The following GMEB1 variants were observed in gnomAD, a reference collection of about 807,000 sequenced individuals.
The protein encoded by GMEB1 is glucocorticoid modulatory element-binding protein 1.
A neutral mutation model predicts 52.4 loss-of-function variants in GMEB1; 6 were observed. The ratio of observed to expected loss-of-function variants is 0.11; its 90% CI spans 0.06 to 0.23. The LOEUF (loss-of-function observed/expected upper bound fraction) is 0.23. Among genes scored for constraint, GMEB1 ranks in the 10% least tolerant of loss-of-function variants. The probability of loss-of-function intolerance (pLI) is 1.00; values close to 1 mark genes in which losing one functional copy is unlikely to be tolerated. For missense variants in GMEB1, 486 were observed against 685.6 expected (o/e 0.71, Z 3.25); for synonymous variants, 255 against 244.9 (o/e 1.04, Z -0.38).
At position 28,682,553 on chromosome 1, in the gene GMEB1, C is replaced by T. The variant is rs141762829; in HGVS notation, c.-30-1030C>T. ...AGGAGAATCGCTTGAGCTTGGGAGGCAGATGTTGCAGTGAGCCAAGATCAT... is the reference window on the plus strand; with the variant it reads ...AGGAGAATCGCTTGAGCTTGGGAGGTAGATGTTGCAGTGAGCCAAGATCAT... On this transcript the variant is annotated intron_variant, in intron 1 of 9. Coordinates refer to ENST00000373816, the MANE Select transcript of GMEB1 (RefSeq NM_001319674.2). 1.3e-4 allele frequency among the ~76,000 whole-genome samples: 19 copies of T among 143,670 alleles called. No individual in the cohort carries two copies. In the East Asian group the frequency reaches 3.4e-3, roughly 26 times the overall value. 94.3% of individuals were successfully genotyped at this position (143,670 alleles called of 152,430 possible).
chr1:28,719,288 C>A lies in GMEB1; in HGVS notation c.*4515C>A, dbSNP rs1014625579. The A allele has an allele frequency of 3.9e-5, 6 of 152,372 alleles. No individual in the cohort carries two copies. The East Asian group carries it at 1.2e-3, about 29-fold the overall frequency. 9.4% of individuals were successfully genotyped at this position (152,372 alleles called of 1,614,324 possible). On this transcript the variant is annotated 3_prime_UTR_variant, in exon 10 of 10. Transcript: ENST00000373816. ...TTTCTCAATTTCCAAGCTCCACCCA[C>A]TCCTAAAAACACCAGTCATTCTGAA...
In GMEB1 at chr1:28,704,176, A is replaced by G. The variant is rs201517590; in HGVS notation, c.731-16A>G. ...GTGTCTCTTTTTTACCCTCTGTCTT[A>G]TCCTTCTTGTGCCAGAGGACACTTT... On this transcript the variant is annotated splice_polypyrimidine_tract_variant and intron_variant, in intron 7 of 9. Transcript: ENST00000373816. 6.2e-7 allele frequency: 1 copy of G among 1,606,906 alleles called. No individual in the cohort carries two copies. Among genetic ancestry groups the G allele is most frequent in the East Asian group, 2.2e-5 (1 of 44,458 alleles).
chr1:28,714,046 C>T, intron 9 of GMEB1, 27 bp from the exon 10 acceptor site: 1 of 1,555,178 alleles, frequency 6.4e-7, no homozygotes, highest in Non-Finnish European at 8.8e-7. Context: ...CTTCCCTCTA[C>T]ACAAAGTCTT....
At chr1:28,706,708 A>G (rs1465569009) in intron 8 of GMEB1, among the ~76,000 whole-genome samples, 1 of 151,646 alleles carries the variant, frequency 6.6e-6, no homozygotes, top group Admixed American at 6.6e-5. Flanking sequence ...TCTGTTGCCC[A>G]GGCTGGAGTG....
chr1:28,714,973 T>G lies in GMEB1; in HGVS notation c.*200T>G, dbSNP rs879032511. On this transcript the variant is annotated 3_prime_UTR_variant, in exon 10 of 10. Coordinates refer to ENST00000373816, the MANE Select transcript of GMEB1 (RefSeq NM_001319674.2). The stretch of plus-strand genomic sequence containing the variant: ...ACAAAACAAGCTGCCCTTCCAGAAG[T>G]TGAGAGTAGGTCATTCAATGTCCTA... 38 of 567,122 alleles carry G rather than the reference T, an allele frequency of 6.7e-5. 2 individuals carry two copies. The South Asian group carries it at 8.2e-4, about 12-fold the overall frequency. The allele number at this position is 567,122 out of a possible 1,614,324, so 35.1% of individuals were successfully genotyped here.
intron 8 of GMEB1, among the ~76,000 whole-genome samples, chr1:28,709,711 G>A (rs1670956504): frequency 6.6e-6 from 1 of 152,008 alleles, no homozygotes; most frequent in African/African-American, 2.4e-5. Context: ...CCATGTAGCT[G>A]GGATTACAGG....
chr1:28,693,627 G>T (rs1445031622), intron 5 of GMEB1, among the ~76,000 whole-genome samples: 1 of 151,248 alleles, frequency 6.6e-6, no homozygotes, highest in Non-Finnish European at 1.5e-5. Context: ...AGCAATTGTA[G>T]TTTTTAGTAG....
chr1:28,715,174 C>T lies in GMEB1; in HGVS notation c.*401C>T, dbSNP rs992589404. 2.2e-5 allele frequency: 4 copies of T among 178,748 alleles called. No individual in the cohort carries two copies. The East Asian group carries it at 5.6e-4, about 25-fold the overall frequency. The allele number at this position is 178,748 out of a possible 1,614,324, so 11.1% of individuals were successfully genotyped here. On this transcript the variant is annotated 3_prime_UTR_variant, in exon 10 of 10. Transcript: ENST00000373816. ...ATCTGACACTGGAAGGCAACCCACT[C>T]GCATGTGGATGCTGAAGGGCACTTT...
At position 28,698,167 on chromosome 1, in the gene GMEB1, G is replaced by A. The variant is rs530374371; in HGVS notation, c.598+1083G>A. On this transcript the variant is annotated intron_variant, in intron 6 of 9. Coordinates refer to ENST00000373816, the MANE Select transcript of GMEB1 (RefSeq NM_001319674.2). Reference sequence around the variant, plus strand: ...AAAAGAAAAATGAGGTCAAGAGATCGAGACCATCCTGGCCAACATGGTGAA... The same window carrying A: ...AAAAGAAAAATGAGGTCAAGAGATCAAGACCATCCTGGCCAACATGGTGAA... Among the ~76,000 whole-genome samples the A allele has an allele frequency of 7.2e-5, 11 of 151,812 alleles. No individual in the cohort carries two copies. The South Asian group carries it at 2.3e-3, about 32-fold the overall frequency.
At chr1:28,674,154 A>T (rs1437162099) in intron 1 of GMEB1, among the ~76,000 whole-genome samples, 1 of 151,602 alleles carries the variant, frequency 6.6e-6, no homozygotes, top group African/African-American at 2.4e-5. Context: ...CGTCTGAAAA[A>T]AAAAAAAAAA....
intron 2 of GMEB1, among the ~76,000 whole-genome samples, chr1:28,686,256 A>C (rs1220562273): frequency 2.6e-5 from 4 of 152,030 alleles, no homozygotes; most frequent in Non-Finnish European, 5.9e-5. Flanking sequence ...TGGGATGATC[A>C]CCTGAGCCTA....
chr1:28,715,603 C>CA lies in GMEB1; in HGVS notation c.*850dup, dbSNP rs536160225. The stretch of plus-strand genomic sequence containing the variant: ...GGGCAACAAGAGCGAGACTCCATCT[C>CA]AAAAAAAAAAAAAAAAAAAAGTGCT... On this transcript the variant is annotated 3_prime_UTR_variant, in exon 10 of 10. Transcript: ENST00000373816. The CA allele has an allele frequency of 0.057, 2,749 of 48,056 alleles. 117 individuals carry two copies. Among genetic ancestry groups the CA allele is most frequent in the Admixed American group, 0.13 (618 of 4,662 alleles). 3.0% of individuals were successfully genotyped at this position (48,056 alleles called of 1,614,324 possible).
At chr1:28,668,885 GGCGGGGGGGCGGGC>G (rs1268094398) in intron 1 of GMEB1, 46 bp downstream of exon 1, 23 of 144,724 alleles carry the variant, frequency 1.6e-4, no homozygotes, top group African/African-American at 2.2e-4. Flanking sequence ...GTGGGGTGGG[GGCGGGGGGGCGGGC>G]GCGGGGGCCG....
chr1:28,674,780 G>A (rs1449757204), intron 1 of GMEB1, among the ~76,000 whole-genome samples: 6 of 128,650 alleles, frequency 4.7e-5, no homozygotes, highest in Admixed American at 8.0e-5. Context: ...GTGCAGTGGC[G>A]GGATCTTGGC....
At chr1:28,700,878 C>T (rs1217630743) in intron 6 of GMEB1, among the ~76,000 whole-genome samples, 1 of 152,026 alleles carries the variant, frequency 6.6e-6, no homozygotes, top group Non-Finnish European at 1.5e-5. Context: ...TACAGTTGGC[C>T]CTTGAACAAT....
intron 1 of GMEB1, among the ~76,000 whole-genome samples, chr1:28,682,866 ACT>A: frequency 6.6e-6 from 1 of 151,874 alleles, no homozygotes; most frequent in Middle Eastern, 3.4e-3. Flanking sequence ...CTACAAACCA[ACT>A]CTCTGGAAAA....
chr1:28,677,022 G>A (rs1669181088), intron 1 of GMEB1, among the ~76,000 whole-genome samples: 2 of 152,142 alleles, frequency 1.3e-5, no homozygotes, highest in South Asian at 2.1e-4. Flanking sequence ...TCACTGAACA[G>A]CAGCCTGGGT....
intron 1 of GMEB1, among the ~76,000 whole-genome samples, chr1:28,676,734 T>A (rs34593211): frequency 0.38 from 55,829 of 146,956 alleles, 11,530 homozygotes; most frequent in East Asian, 0.76. Flanking sequence ...CAAAAAAAAA[T>A]AAATAAATAA....
intron 9 of GMEB1, among the ~76,000 whole-genome samples, chr1:28,711,488 CTG>C (rs1364492899): frequency 1.3e-5 from 2 of 152,112 alleles, no homozygotes; most frequent in Non-Finnish European, 2.9e-5. Flanking sequence ...GGGTCTCACT[CTG>C]TCACTGAGGC....
Sources: allele counts gnomAD v4.1 joint callset (sites outside exome capture counted in the v4.1 genomes callset), GRCh38; gene constraint gnomAD v4.1.1; transcripts MANE v1.5; gene names NCBI Gene and HGNC (gene_info 2026-07-23, HGNC 2026-07-21).